CDH17: variants seen among roughly 807,000 people sequenced by gnomAD.
CDH17 encodes the protein cadherin 17.
A neutral mutation model predicts 86.3 loss-of-function variants in CDH17; 67 were observed. That is an observed-to-expected ratio of 0.78 (90% CI 0.64 to 0.95). The LOEUF (loss-of-function observed/expected upper bound fraction) is 0.95. Among genes scored for constraint, CDH17 ranks in the 40% least tolerant of loss-of-function variants. The pLI, the probability that CDH17 is intolerant of heterozygous loss-of-function variation, is 0.00. For missense variants in CDH17, 993 were observed against 1,017.6 expected, an observed-to-expected ratio of 0.98 and a Z score of 0.33; for synonymous variants, 367 against 366.4, an observed-to-expected ratio of 1.00 and a Z score of -0.02.
intron 15 of CDH17, among the ~76,000 whole-genome samples, chr8:94,133,208 T>C (rs193159492): frequency 1.2e-4 from 19 of 152,284 alleles, no homozygotes; most frequent in African/African-American, 4.3e-4. Context: ...AAGAAGGTCA[T>C]TGGTAGCTTG....
chr8:94,199,881 C>T (rs771820049), intron 1 of CDH17, among the ~76,000 whole-genome samples: 7 of 152,122 alleles, frequency 4.6e-5, no homozygotes, highest in Admixed American at 2.0e-4. Context: ...TACCTACCTT[C>T]GAGAGTTAAG....
At chr8:94,133,722 C>T (rs537969051) in intron 15 of CDH17, among the ~76,000 whole-genome samples, 11 of 152,178 alleles carry the variant, frequency 7.2e-5, no homozygotes, top group Non-Finnish European at 1.5e-4. Flanking sequence ...GAGAGGGCAT[C>T]CTTGTCTTCT....
chr8:94,195,881 C>T (rs557991647), intron 1 of CDH17, among the ~76,000 whole-genome samples: 118 of 152,186 alleles, frequency 7.8e-4, no homozygotes, highest in African/African-American at 2.8e-3. Flanking sequence ...CTGCCTCAGC[C>T]TCCCAAGTAG....
chr8:94,195,133 C>T lies in CDH17; in HGVS notation c.-20-428G>A, dbSNP rs765447989. On this transcript the variant is annotated intron_variant, in intron 1 of 17. Transcript: ENST00000027335. ...TCTCCCACCTTAGCTTCCCAAGTAG[C>T]TGGGATTACAAATGCCCATCACCAC... 6.8e-4 allele frequency among the ~76,000 whole-genome samples: 104 copies of T among 152,296 alleles called. 1 individual carries two copies. Among genetic ancestry groups the T allele is most frequent in the Non-Finnish European group, 1.0e-3 (70 of 68,030 alleles).
chr8:94,161,767 T>C (rs1282591769), intron 11 of CDH17, among the ~76,000 whole-genome samples: 1 of 152,212 alleles, frequency 6.6e-6, no homozygotes, highest in African/African-American at 2.4e-5. Flanking sequence ...CAAAAAAATA[T>C]ATAATGACAA....
intron 2 of CDH17, among the ~76,000 whole-genome samples, chr8:94,194,365 A>T (rs1363250696): frequency 6.6e-6 from 1 of 152,212 alleles, no homozygotes; most frequent in Non-Finnish European, 1.5e-5. Flanking sequence ...CTATAGATAG[A>T]TTTGTTTTCA....
At chr8:94,207,782 G>A (rs185740066) in intron 1 of CDH17, among the ~76,000 whole-genome samples, 5 of 152,084 alleles carry the variant, frequency 3.3e-5, no homozygotes, top group East Asian at 1.9e-4. Context: ...GGCAAATATC[G>A]GACCATTGAA....
At chr8:94,135,521 C>G (rs1486395691) in intron 15 of CDH17, among the ~76,000 whole-genome samples, 2 of 152,162 alleles carry the variant, frequency 1.3e-5, no homozygotes, top group Non-Finnish European at 2.9e-5. Flanking sequence ...AGATCTTCCT[C>G]CATCCTTTTA....
chr8:94,215,249 A>T (rs1814175758), intron 1 of CDH17, among the ~76,000 whole-genome samples: 1 of 152,240 alleles, frequency 6.6e-6, no homozygotes, highest in Non-Finnish European at 1.5e-5. Context: ...ATATTCATCA[A>T]CTGATGGATA....
At chr8:94,212,438 G>T (rs1814137903), upstream of CDH17, among the ~76,000 whole-genome samples, 1 of 151,714 alleles carries the variant, frequency 6.6e-6, no homozygotes, top group South Asian at 2.1e-4. Context: ...ACTGCGCCTG[G>T]CCTATACTTA....
At chr8:94,159,732 AC>A (rs1360391571) in intron 12 of CDH17, among the ~76,000 whole-genome samples, 10 of 152,180 alleles carry the variant, frequency 6.6e-5, no homozygotes, top group Non-Finnish European at 1.3e-4. Flanking sequence ...ATTTTATATG[AC>A]GTTACCTCCC....
At chr8:94,136,146 C>T (rs963881527) in intron 15 of CDH17, among the ~76,000 whole-genome samples, 2 of 152,122 alleles carry the variant, frequency 1.3e-5, no homozygotes, top group African/African-American at 4.8e-5. Flanking sequence ...GGTTGCTCTT[C>T]TCGAGGAGTA....
At position 94,151,153 on chromosome 8, in the gene CDH17, G is replaced by A. The variant is rs191199270; in HGVS notation, c.1796+715C>T. Among the ~76,000 whole-genome samples the A allele has an allele frequency of 4.2e-4, 64 of 152,228 alleles. 1 individual carries two copies. In the East Asian group the frequency reaches 7.1e-3, roughly 17 times the overall value. Reference sequence around the variant, plus strand: ...AGGAGGTGTAATGTACAACAGCAGCGAAAGATCTGAGTTCAAGTCTTAACT... The same window carrying A: ...AGGAGGTGTAATGTACAACAGCAGCAAAAGATCTGAGTTCAAGTCTTAACT... On this transcript the variant is annotated intron_variant, in intron 13 of 17. Transcript: ENST00000027335.
At chr8:94,145,461 G>A (rs1352176498) in intron 15 of CDH17, among the ~76,000 whole-genome samples, 2 of 152,180 alleles carry the variant, frequency 1.3e-5, no homozygotes, top group Non-Finnish European at 1.5e-5. Flanking sequence ...GTTGCCTGGG[G>A]AGAGGGGATG....
chr8:94,166,208 T>A (rs1813152611), intron 9 of CDH17, among the ~76,000 whole-genome samples: 1 of 152,214 alleles, frequency 6.6e-6, no homozygotes, highest in African/African-American at 2.4e-5. Context: ...CAGAGACTTA[T>A]TTTTTCACAG....
In CDH17 at chr8:94,127,449, T is replaced by C. The variant is rs919021004; in HGVS notation, c.*791A>G. ...GCCAAAGAGCAACATGTCACATTGA[T>C]TAAAGATGGTTAATGACACAGAAAC... On this transcript the variant is annotated 3_prime_UTR_variant, in exon 18 of 18. Coordinates refer to ENST00000027335, the MANE Select transcript of CDH17 (RefSeq NM_004063.4). 6.6e-6 allele frequency: 1 copy of C among 152,188 alleles called. No homozygotes were observed. Among genetic ancestry groups the C allele is most frequent in the African/African-American group, 2.4e-5 (1 of 41,450 alleles). 9.4% of individuals were successfully genotyped at this position (152,188 alleles called of 1,614,324 possible). A position where few individuals can be genotyped will look rare whatever the true frequency, so the allele number is the denominator to read the frequency against.
At chr8:94,182,998 C>A (rs531827677) in intron 3 of CDH17, among the ~76,000 whole-genome samples, 2 of 152,086 alleles carry the variant, frequency 1.3e-5, no homozygotes, top group East Asian at 3.9e-4. Context: ...TTTAAAATTC[C>A]ATTTACAACC....
Position 94,189,850 on chromosome 8 carries a change from C to T in CDH17, c.52-565G>A, listed in dbSNP as rs117187081. Among the ~76,000 whole-genome samples, 53 of 152,340 alleles carry T rather than the reference C, an allele frequency of 3.5e-4. No individual in the cohort carries two copies. In the East Asian group the frequency reaches 8.3e-3, roughly 24 times the overall value. ...AGCCAAATTTGAATCTGAATTTGAA[C>T]TATAACTTTAAGCAAAGCTTACTAT... On this transcript the variant is annotated intron_variant, in intron 2 of 17. Transcript: ENST00000027335.
rs141426661 is a variant in CDH17, at chr8:94,184,365, T to G, written c.150+4822A>C. 6.3e-3 allele frequency among the ~76,000 whole-genome samples: 959 copies of G among 152,290 alleles called. 11 individuals are homozygous for G. The highest frequency in any genetic ancestry group is 0.021 in the African/African-American group (889 of 41,556). On this transcript the variant is annotated intron_variant, in intron 3 of 17. Coordinates refer to ENST00000027335, the MANE Select transcript of CDH17 (RefSeq NM_004063.4). ...ACATGGATATCCAAAATGTGATATA[T>G]CCAGATGATGGAATATCACTCAGTC...
Sources: gnomAD v4.1 joint callset for allele counts (sites outside exome capture counted in the v4.1 genomes callset) on GRCh38, gnomAD v4.1.1 for gene constraint, MANE v1.5 for transcripts, NCBI Gene and HGNC (gene_info 2026-07-23, HGNC 2026-07-21) for gene names.